The following FECH variants were observed in gnomAD, a reference collection of about 807,000 sequenced individuals.
FECH encodes ferrochelatase, mitochondrial.
In FECH, 40 loss-of-function variants were observed where a neutral mutation model predicts 56.9. The ratio of observed to expected loss-of-function variants is 0.70; its 90% CI spans 0.55 to 0.92. The LOEUF is 0.92. FECH is among the 40% of genes least tolerant of loss of function. The pLI is 0.00. For missense variants in FECH, 431 were observed against 529.1 expected, an observed-to-expected ratio of 0.81 and a Z score of 1.82; for synonymous variants, 175 against 198.6, an observed-to-expected ratio of 0.88 and a Z score of 1.00.
At chr18:57,571,989 C>T (rs1480189388) in intron 3 of FECH, among the ~76,000 whole-genome samples, 1 of 152,226 alleles carries the variant, frequency 6.6e-6, no homozygotes, top group African/African-American at 2.4e-5. Context: ...AGAATGTTCA[C>T]TGCAACACTG....
At chr18:57,574,541 A>G (rs934318310) in intron 2 of FECH, among the ~76,000 whole-genome samples, 13 of 152,372 alleles carry the variant, frequency 8.5e-5, no homozygotes, top group African/African-American at 3.1e-4. Flanking sequence ...GCTTCTGGAA[A>G]CTTAAAAAAA....
intron 7 of FECH, among the ~76,000 whole-genome samples, chr18:57,555,372 A>T (rs1185984280): frequency 6.6e-6 from 1 of 152,250 alleles, no homozygotes; most frequent in Non-Finnish European, 1.5e-5. Flanking sequence ...GACAATGTAC[A>T]GAACTGCTGG....
At position 57,545,064 on chromosome 18, in the gene FECH, G is replaced by C. The variant is rs1312199795; in HGVS notation, c.*5648C>G. 1.3e-5 allele frequency among the ~76,000 whole-genome samples: 2 copies of C among 152,120 alleles called. No homozygotes were observed. The highest frequency in any genetic ancestry group is 2.9e-5 in the Non-Finnish European group (2 of 68,020). On this transcript the variant is annotated 3_prime_UTR_variant, in exon 11 of 11. Transcript: ENST00000262093. Reference sequence around the variant, plus strand: ...AAATCTATTCTTTCTTAACATGACAGGAAAGTAAAGCTTTGACCCGCAGGG... The same window carrying C: ...AAATCTATTCTTTCTTAACATGACACGAAAGTAAAGCTTTGACCCGCAGGG...
rs577143275 is a variant in FECH at position 57,548,116 on chromosome 18, G to T, written c.*2596C>A. ...AAATATAAAAAAGTAGCCCAGCGTG[G>T]TGAAGCACTCCTGTAGTCCCAGCTA... On this transcript the variant is annotated 3_prime_UTR_variant, in exon 11 of 11. Transcript: ENST00000262093. Among the ~76,000 whole-genome samples the T allele has an allele frequency of 9.9e-5, 15 of 151,968 alleles. No homozygotes were observed. The highest frequency in any genetic ancestry group is 3.4e-4 in the African/African-American group (14 of 41,478).
intron 2 of FECH, among the ~76,000 whole-genome samples, chr18:57,578,933 T>C (rs1247278278): frequency 6.7e-6 from 1 of 150,264 alleles, no homozygotes; most frequent in African/African-American, 2.5e-5. Context: ...CACTCCAGCC[T>C]GGGTGAAAGA....
rs1468474870 is a variant in FECH at position 57,550,826 on chromosome 18, ATGC to A, written c.1155_1157del (p.His386del). On this transcript the variant is annotated inframe_deletion, in exon 11 of 11. Coordinates refer to ENST00000262093, the MANE Select transcript of FECH (RefSeq NM_000140.5). The stretch of plus-strand genomic sequence containing the variant: ...ACAGCTCGTTTGACTGGATGTGTGA[ATGC>A]ACCAAGTCGGCCAGGGCCTGGAAGA... 6.2e-7 allele frequency: 1 copy of A among 1,614,002 alleles called. No homozygotes were observed.
chr18:57,575,925 G>A (rs2051179640), intron 2 of FECH, among the ~76,000 whole-genome samples: 1 of 152,100 alleles, frequency 6.6e-6, no homozygotes, highest in African/African-American at 2.4e-5. Context: ...GGAGAAATAT[G>A]GCATTACAAT....
At position 57,544,396 on chromosome 18, in the gene FECH, A is replaced by G. The variant is rs1171253880; in HGVS notation, c.*6316T>C. 6.6e-6 allele frequency among the ~76,000 whole-genome samples: 1 copy of G among 152,246 alleles called. No individual in the cohort carries two copies. The highest frequency in any genetic ancestry group is 6.5e-5 in the Admixed American group (1 of 15,288). On this transcript the variant is annotated 3_prime_UTR_variant, in exon 11 of 11. Coordinates refer to ENST00000262093, the MANE Select transcript of FECH (RefSeq NM_000140.5). ...ATAATGTAGGTGTGAGAGTATGTTT[A>G]CTATAAATTTTACTAATCTAAAAGA...
intron 1 of FECH, among the ~76,000 whole-genome samples, chr18:57,584,573 T>A (rs1364042766): frequency 1.3e-5 from 2 of 152,044 alleles, no homozygotes; most frequent in African/African-American, 4.8e-5. Flanking sequence ...GGGGGCGAGA[T>A]ACACAAGTAT....
At chr18:57,580,555 T>C (rs1212189301) in intron 1 of FECH, among the ~76,000 whole-genome samples, 1 of 104,488 alleles carries the variant, frequency 9.6e-6, no homozygotes. Context: ...GAGAAGGGGC[T>C]GCAGAAAAGT....
intron 4 of FECH, chr18:57,567,739 G>A (rs997557033): frequency 6.6e-5 from 10 of 152,224 alleles, no homozygotes; most frequent in African/African-American, 1.2e-4. Flanking sequence ...ATACAAGGAC[G>A]ACATTCCTCC....
At chr18:57,566,314 C>T (rs1039628768) in intron 5 of FECH, 133 bp downstream of exon 5, 22 of 1,234,012 alleles carry the variant, frequency 1.8e-5, no homozygotes, top group Admixed American at 1.4e-4. Context: ...CCTGAACTCT[C>T]GTGTTTAAAG....
chr18:57,545,569 G>A lies in FECH; in HGVS notation c.*5143C>T, dbSNP rs139987131. Among the ~76,000 whole-genome samples, 271 of 152,290 alleles carry A rather than the reference G, an allele frequency of 1.8e-3. 2 individuals are homozygous for A. The South Asian group carries it at 0.025, about 14-fold the overall frequency. On this transcript the variant is annotated 3_prime_UTR_variant, in exon 11 of 11. Transcript: ENST00000262093. Reference sequence around the variant, plus strand: ...TACTCTTTGGCAAGATGCATCAGACGCACGGAGCGATGGTCTGGCTGAAGG... The same window carrying A: ...TACTCTTTGGCAAGATGCATCAGACACACGGAGCGATGGTCTGGCTGAAGG...
intron 1 of FECH, among the ~76,000 whole-genome samples, chr18:57,582,972 G>A (rs1312741750): frequency 2.0e-5 from 3 of 151,772 alleles, no homozygotes; most frequent in African/African-American, 7.3e-5. Context: ...TAGTAGATGA[G>A]GATTTCCTAA....
chr18:57,572,354 T>C (rs1371414731), intron 3 of FECH, among the ~76,000 whole-genome samples: 3 of 151,346 alleles, frequency 2.0e-5, no homozygotes, highest in Non-Finnish European at 4.4e-5. Context: ...TAGGTGGGAA[T>C]TGAACAATGA....
chr18:57,569,436 A>G (rs1182369504), intron 4 of FECH, among the ~76,000 whole-genome samples: 3 of 152,262 alleles, frequency 2.0e-5, no homozygotes, highest in Non-Finnish European at 2.9e-5. Context: ...TCTGGCCTAA[A>G]GAGAATTTTT....
At chr18:57,580,438 C>T (rs1212664109) in intron 1 of FECH, among the ~76,000 whole-genome samples, 1 of 152,104 alleles carries the variant, frequency 6.6e-6, no homozygotes, top group Non-Finnish European at 1.5e-5. Flanking sequence ...TTAGAAACTA[C>T]ACACACCTCC....
At chr18:57,553,970 T>A (rs1026088487) in intron 9 of FECH, among the ~76,000 whole-genome samples, 1 of 152,256 alleles carries the variant, frequency 6.6e-6, no homozygotes, top group African/African-American at 2.4e-5. Flanking sequence ...AATATAGTTG[T>A]TATTACTTTC....
At chr18:57,580,658 C>T (rs1405974201) in intron 1 of FECH, among the ~76,000 whole-genome samples, 1 of 152,134 alleles carries the variant, frequency 6.6e-6, no homozygotes, top group East Asian at 1.9e-4. Context: ...GGAAAGCACT[C>T]GTGCTGAGAA....
Sources: allele counts gnomAD v4.1 joint callset (sites outside exome capture counted in the v4.1 genomes callset), GRCh38; gene constraint gnomAD v4.1.1; transcripts MANE v1.5; gene names NCBI Gene and HGNC (gene_info 2026-07-23, HGNC 2026-07-21).